The following AGBL4 variants were observed in gnomAD, a reference collection of about 807,000 sequenced individuals.
AGBL4 encodes cytosolic carboxypeptidase 6.
AGBL4 carries 58 observed loss-of-function variants against 66.4 expected under a neutral mutation model. That is an observed-to-expected ratio of 0.87 (90% CI 0.71 to 1.09). The LOEUF (loss-of-function observed/expected upper bound fraction) is 1.09, where lower values mean the gene tolerates loss of function less well. Among genes scored for constraint, AGBL4 ranks in the 50% least tolerant of loss-of-function variants. The probability of loss-of-function intolerance (pLI) is 0.00; values close to 1 mark genes in which losing one functional copy is unlikely to be tolerated. For missense variants in AGBL4, 579 were observed against 631.0 expected (o/e 0.92, Z 0.88); for synonymous variants, 234 against 222.9 (o/e 1.05, Z -0.44).
intron 3 of AGBL4, among the ~76,000 whole-genome samples, chr1:49,414,157 A>G (rs182729735): frequency 1.1e-4 from 16 of 152,280 alleles, no homozygotes; most frequent in Admixed American, 3.3e-4. Context: ...GTATGTATAC[A>G]TACGTATATA....
chr1:49,390,230 A>T (rs1467105601), intron 3 of AGBL4, among the ~76,000 whole-genome samples: 1 of 152,248 alleles, frequency 6.6e-6, no homozygotes, highest in Non-Finnish European at 1.5e-5. Context: ...AAAGGCTCAG[A>T]AGTCTCAGAG....
At chr1:48,621,106 G>C (rs1645406069) in intron 9 of AGBL4, among the ~76,000 whole-genome samples, 1 of 151,660 alleles carries the variant, frequency 6.6e-6, no homozygotes, top group Admixed American at 6.5e-5. Flanking sequence ...GTGCTCTAGG[G>C]AAGGGATAGG....
At chr1:48,758,795 G>A in intron 6 of AGBL4, 1 of 1,039,166 alleles carries the variant, frequency 9.6e-7, no homozygotes, top group Non-Finnish European at 1.3e-6. Flanking sequence ...TCCTTCCCTA[G>A]CCTCAGGGCA....
At chr1:49,729,059 A>G (rs1460527781) in intron 2 of AGBL4, among the ~76,000 whole-genome samples, 1 of 152,208 alleles carries the variant, frequency 6.6e-6, no homozygotes, top group Non-Finnish European at 1.5e-5. Flanking sequence ...GGGAGGGCAG[A>G]GAATTAAACC....
intron 3 of AGBL4, among the ~76,000 whole-genome samples, chr1:49,272,713 C>A (rs953709200): frequency 6.6e-6 from 1 of 152,048 alleles, no homozygotes; most frequent in Non-Finnish European, 1.5e-5. Flanking sequence ...AATCTCATAA[C>A]TAAAATTTTA....
intron 2 of AGBL4, among the ~76,000 whole-genome samples, chr1:49,731,595 T>A (rs1649455517): frequency 6.6e-6 from 1 of 152,122 alleles, no homozygotes; most frequent in Non-Finnish European, 1.5e-5. Context: ...CATCAAGGGC[T>A]TATAAAAGTA....
intron 5 of AGBL4, among the ~76,000 whole-genome samples, chr1:48,978,782 G>A (rs1197611252): frequency 2.0e-5 from 3 of 152,072 alleles, no homozygotes; most frequent in Non-Finnish European, 4.4e-5. Flanking sequence ...ATAGAAATAT[G>A]TCCTTTTAAA....
At chr1:49,907,467 T>G (rs1186478031) in intron 1 of AGBL4, among the ~76,000 whole-genome samples, 1 of 152,204 alleles carries the variant, frequency 6.6e-6, no homozygotes, top group African/African-American at 2.4e-5. Flanking sequence ...TGTGCTTTCA[T>G]ATATATTATT....
chr1:49,635,159 C>G (rs1157866894), intron 3 of AGBL4, among the ~76,000 whole-genome samples: 1 of 152,186 alleles, frequency 6.6e-6, no homozygotes, highest in African/African-American at 2.4e-5. Context: ...ACACAAAGCT[C>G]ATTTTCCCTA....
rs140126799 is a variant in AGBL4 at position 49,641,500 on chromosome 1, G to A, written c.282+55813C>T. Among the ~76,000 whole-genome samples, 1,050 of 152,146 alleles carry A rather than the reference G, an allele frequency of 6.9e-3. 11 individuals are homozygous for A. The highest frequency in any genetic ancestry group is 0.024 in the African/African-American group (977 of 41,536). On this transcript the variant is annotated intron_variant, in intron 3 of 13. Transcript: ENST00000371839. ...ATTTCGTTCCACAATGTTTCCCATA[G>A]ATGAATTTTAAATGATAAACAAGGC...
intron 5 of AGBL4, among the ~76,000 whole-genome samples, chr1:48,908,314 T>C (rs1652805889): frequency 6.6e-6 from 1 of 152,142 alleles, no homozygotes; most frequent in South Asian, 2.1e-4. Flanking sequence ...CAAAGTTGCC[T>C]TTTCAAAAAA....
intron 2 of AGBL4, among the ~76,000 whole-genome samples, chr1:49,790,832 A>G (rs977903903): frequency 6.6e-6 from 1 of 152,222 alleles, no homozygotes; most frequent in African/African-American, 2.4e-5. Flanking sequence ...TATCTACAAG[A>G]AAGAGTAACA....
intron 3 of AGBL4, among the ~76,000 whole-genome samples, chr1:49,547,273 T>C (rs765359394): frequency 1.3e-5 from 2 of 152,312 alleles, no homozygotes; most frequent in Non-Finnish European, 2.9e-5. Flanking sequence ...CTTTCCTCAC[T>C]TTATGTTTTT....
chr1:49,538,104 C>T (rs532529544), intron 3 of AGBL4, among the ~76,000 whole-genome samples: 1 of 152,092 alleles, frequency 6.6e-6, no homozygotes, highest in South Asian at 2.1e-4. Flanking sequence ...GTGTATCTAC[C>T]CAAAGGAAAA....
rs752933319 is a variant in AGBL4 at position 49,390,998 on chromosome 1, C to A, written c.283-145134G>T. Among the ~76,000 whole-genome samples the A allele has an allele frequency of 1.1e-4, 16 of 152,024 alleles. 1 individual carries two copies. The highest frequency in any genetic ancestry group is 1.9e-4 in the Non-Finnish European group (13 of 68,016). ...AGAGTTCAAGAGGAGATATGCTGAGCTGAGTCTTAAAGAATGAGTGGAAGA... is the reference window on the plus strand; with the variant it reads ...AGAGTTCAAGAGGAGATATGCTGAGATGAGTCTTAAAGAATGAGTGGAAGA... On this transcript the variant is annotated intron_variant, in intron 3 of 13. Coordinates refer to ENST00000371839, the MANE Select transcript of AGBL4 (RefSeq NM_032785.4).
intron 3 of AGBL4, among the ~76,000 whole-genome samples, chr1:49,542,723 C>A (rs1014707284): frequency 6.6e-6 from 1 of 151,814 alleles, no homozygotes; most frequent in African/African-American, 2.4e-5. Context: ...CATGATGAAA[C>A]CCTGTCTCTA....
intron 2 of AGBL4, among the ~76,000 whole-genome samples, chr1:49,729,016 T>C (rs930652980): frequency 2.6e-5 from 4 of 152,136 alleles, no homozygotes; most frequent in Non-Finnish European, 5.9e-5. Context: ...TGTACCTCTC[T>C]CCATACAGAA....
intron 3 of AGBL4, among the ~76,000 whole-genome samples, chr1:49,406,170 T>C (rs537999178): frequency 2.6e-5 from 4 of 152,204 alleles, no homozygotes; most frequent in Non-Finnish European, 5.9e-5. Context: ...CTAAAACCTA[T>C]TAAAATGCTA....
chr1:48,789,294 A>AT (rs58314536), intron 6 of AGBL4, among the ~76,000 whole-genome samples: 1,653 of 132,026 alleles, frequency 0.013, 36 homozygotes, highest in African/African-American at 0.043. Flanking sequence ...ATATATATAT[A>AT]TTTTTTTTTT....
Sources: gnomAD v4.1 joint callset for allele counts (sites outside exome capture counted in the v4.1 genomes callset) on GRCh38, gnomAD v4.1.1 for gene constraint, MANE v1.5 for transcripts, NCBI Gene and HGNC (gene_info 2026-07-23, HGNC 2026-07-21) for gene names.